UST: variants seen among roughly 807,000 people sequenced by gnomAD.
UST encodes chondroitin sulfate 2-O-sulfotransferase.
In UST, 21 loss-of-function variants were observed where a neutral mutation model predicts 45.6. The ratio of observed to expected loss-of-function variants is 0.46; its 90% CI spans 0.33 to 0.66. The LOEUF is 0.66. UST is among the 30% of genes least tolerant of loss of function. The probability of loss-of-function intolerance (pLI) is 0.02; values close to 1 mark genes in which losing one functional copy is unlikely to be tolerated. For missense variants in UST, 463 were observed against 512.4 expected (o/e 0.90, Z 0.93); for synonymous variants, 215 against 200.6 (o/e 1.07, Z -0.61).
intron 1 of UST, among the ~76,000 whole-genome samples, chr6:148,809,739 C>G (rs898648548): frequency 2.6e-5 from 4 of 152,212 alleles, no homozygotes; most frequent in Admixed American, 2.6e-4. Context: ...ACATACCCAT[C>G]AGTGAGTCTC....
At chr6:148,814,481 T>TA (rs908484564) in intron 1 of UST, among the ~76,000 whole-genome samples, 31 of 149,296 alleles carry the variant, frequency 2.1e-4, no homozygotes, top group Non-Finnish European at 3.3e-4. Context: ...TCAACTGCAT[T>TA]AAAAAAAAAA....
chr6:148,929,276 G>A (rs114749236), intron 2 of UST, among the ~76,000 whole-genome samples: 3,308 of 152,224 alleles, frequency 0.022, 116 homozygotes, highest in African/African-American at 0.075. Flanking sequence ...TCATGAGTGA[G>A]TCCTGATTAA....
chr6:148,842,555 A>C (rs895749117), intron 1 of UST, among the ~76,000 whole-genome samples: 1 of 152,200 alleles, frequency 6.6e-6, no homozygotes, highest in Non-Finnish European at 1.5e-5. Flanking sequence ...AGCCTGTAGA[A>C]GGGAGCTAGG....
chr6:148,883,091 A>G (rs1422910673), intron 1 of UST, among the ~76,000 whole-genome samples: 1 of 152,270 alleles, frequency 6.6e-6, no homozygotes, highest in Non-Finnish European at 1.5e-5. Flanking sequence ...AATTTAGTGT[A>G]GACATAACTG....
At chr6:148,887,396 G>C (rs1466603905) in intron 2 of UST, among the ~76,000 whole-genome samples, 4 of 152,248 alleles carry the variant, frequency 2.6e-5, no homozygotes, top group African/African-American at 9.6e-5. Flanking sequence ...TTTGGGGCTA[G>C]ACTCACATCT....
At chr6:148,747,747 G>A in intron 1 of UST, 70 bp downstream of exon 1, 1 of 1,467,630 alleles carries the variant, frequency 6.8e-7, no homozygotes, top group Non-Finnish European at 9.0e-7. Flanking sequence ...GAGGGTCGCG[G>A]CGGGGACTTC....
intron 1 of UST, among the ~76,000 whole-genome samples, chr6:148,834,703 T>A (rs1777754606): frequency 6.6e-6 from 1 of 152,142 alleles, no homozygotes; most frequent in Admixed American, 6.6e-5. Flanking sequence ...CACTCCAGCC[T>A]GGGCAATAGA....
chr6:148,997,779 T>G (rs908480136), intron 5 of UST, among the ~76,000 whole-genome samples: 6 of 152,192 alleles, frequency 3.9e-5, no homozygotes, highest in Non-Finnish European at 8.8e-5. Flanking sequence ...CAATTCTTAG[T>G]CACTCATGAT....
At chr6:148,947,124 C>T (rs1045212559) in intron 3 of UST, among the ~76,000 whole-genome samples, 7 of 151,948 alleles carry the variant, frequency 4.6e-5, no homozygotes, top group Admixed American at 6.6e-5. Flanking sequence ...GGTCAAATCC[C>T]GAACTTTAAA....
intron 1 of UST, among the ~76,000 whole-genome samples, chr6:148,791,896 C>G (rs1230359753): frequency 6.6e-6 from 1 of 152,192 alleles, no homozygotes; most frequent in Non-Finnish European, 1.5e-5. Flanking sequence ...ACCAACGCGT[C>G]AATCACATGA....
chr6:148,947,472 G>T (rs1314778275), intron 3 of UST, among the ~76,000 whole-genome samples: 1 of 152,194 alleles, frequency 6.6e-6, no homozygotes, highest in African/African-American at 2.4e-5. Context: ...CTCCCGAAGA[G>T]GTCCTCACGC....
chr6:148,989,133 G>A (rs536548555), intron 5 of UST, among the ~76,000 whole-genome samples: 3 of 152,104 alleles, frequency 2.0e-5, no homozygotes, highest in South Asian at 4.2e-4. Context: ...ATCATTTGAG[G>A]CCTCTAGACT....
intron 2 of UST, among the ~76,000 whole-genome samples, chr6:148,902,840 A>G (rs949088613): frequency 3.3e-5 from 5 of 150,544 alleles, no homozygotes; most frequent in African/African-American, 1.2e-4. Flanking sequence ...ACTGTCTTCC[A>G]CTCCTTCTGT....
At chr6:148,899,543 C>A (rs143425773) in intron 2 of UST, among the ~76,000 whole-genome samples, 9 of 152,290 alleles carry the variant, frequency 5.9e-5, no homozygotes, top group African/African-American at 1.9e-4. Flanking sequence ...AATGCCACCA[C>A]GCAAGGGCAA....
chr6:148,959,848 G>A (rs544796871), intron 4 of UST, among the ~76,000 whole-genome samples: 4 of 151,420 alleles, frequency 2.6e-5, no homozygotes, highest in Admixed American at 6.6e-5. Context: ...GATGGTGGGC[G>A]GAGGGGAGTC....
intron 5 of UST, among the ~76,000 whole-genome samples, chr6:148,988,593 A>AT (rs2114989293): frequency 6.7e-6 from 1 of 149,342 alleles, no homozygotes; most frequent in South Asian, 2.1e-4. Context: ...AAAAAAAAAA[A>AT]GCAAAAAACA....
chr6:148,782,156 A>G (rs1315964816), intron 1 of UST, among the ~76,000 whole-genome samples: 3 of 150,654 alleles, frequency 2.0e-5, no homozygotes, highest in Admixed American at 1.3e-4. Flanking sequence ...GCTGCCATGG[A>G]TAGTGATTCC....
chr6:149,021,570 GA>G, intron 7 of UST, 89 bp downstream of exon 7: 1 of 1,460,430 alleles, frequency 6.8e-7, no homozygotes, highest in East Asian at 2.3e-5. Context: ...ATAAAGGAGT[GA>G]AATGATCTCT....
intron 2 of UST, among the ~76,000 whole-genome samples, chr6:148,907,914 T>C (rs1779396066): frequency 1.5e-5 from 2 of 136,220 alleles, no homozygotes; most frequent in African/African-American, 5.7e-5. Flanking sequence ...TTTTTTTTTT[T>C]TTTTTTTTTT....
Sources: allele counts gnomAD v4.1 joint callset (sites outside exome capture counted in the v4.1 genomes callset), GRCh38; gene constraint gnomAD v4.1.1; transcripts MANE v1.5; gene names NCBI Gene and HGNC (gene_info 2026-07-23, HGNC 2026-07-21).